Variants in PPP6R2 observed in about 807,000 individuals in gnomAD.
PPP6R2 encodes the protein serine/threonine-protein phosphatase 6 regulatory subunit 2.
PPP6R2 carries 62 observed loss-of-function variants against 100.2 expected under a neutral mutation model. The ratio of observed to expected loss-of-function variants is 0.62; its 90% confidence interval spans 0.50 to 0.76. The LOEUF is 0.76. Ranked by LOEUF, PPP6R2 falls within the 30% of genes least tolerant of loss-of-function variation. The pLI, the probability that PPP6R2 is intolerant of heterozygous loss-of-function variation, is 0.00. For synonymous variants in PPP6R2, 525 were observed against 514.7 expected (o/e 1.02, Z -0.27); for missense variants, 1,142 against 1,276.3 (o/e 0.89, Z 1.60).
chr22:50,434,900 C>T (rs2063879814), intron 12 of PPP6R2, 66 bp from the exon 13 acceptor site: 2 of 1,444,960 alleles, frequency 1.4e-6, no homozygotes, highest in African/African-American at 1.4e-5. Context: ...CCACTTGGCT[C>T]TCTGGGTCGT....
intron 1 of PPP6R2, among the ~76,000 whole-genome samples, chr22:50,361,445 G>A (rs116200214): frequency 0.01 from 1,593 of 152,226 alleles, 27 homozygotes; most frequent in African/African-American, 0.036. Context: ...GTGTACGGAT[G>A]AAGCCAGCTA....
chr22:50,430,887 A>AC (rs1569481637), intron 10 of PPP6R2, among the ~76,000 whole-genome samples: 1 of 151,928 alleles, frequency 6.6e-6, no homozygotes, highest in African/African-American at 2.4e-5. Flanking sequence ...AAAAAAAAAA[A>AC]AAAAGAATAA....
In PPP6R2 at chr22:50,414,685, T is replaced by G; in HGVS notation, c.548T>G (p.Leu183Arg). The G allele has an allele frequency of 1.2e-6, 2 of 1,606,624 alleles. No individual in the cohort carries two copies. The highest frequency in any genetic ancestry group is 8.5e-7 in the Non-Finnish European group (1 of 1,178,746). Residue 183 changes from leucine to arginine, a missense_variant, in exon 5 of 24, where the codon CTG becomes CGG. Physicochemically the swap from Leu to Arg is moderately radical, Grantham distance 102. Coordinates refer to ENST00000612753, the MANE Select transcript of PPP6R2 (RefSeq NM_001242898.2). ...CCAGCCGGGCTCCGGCAGGACGTCCTGCACGTGAGTGCGGGAGTCCCCCCC... is the reference window on the plus strand; with the variant it reads ...CCAGCCGGGCTCCGGCAGGACGTCCGGCACGTGAGTGCGGGAGTCCCCCCC... The part of the protein sequence containing the change: ...VEPAGLRQDV[L>R]HWLNEEKVIQ...
Position 50,443,917 on chromosome 22 carries a change from G to T in PPP6R2, c.2631G>T (p.Lys877Asn). 1.2e-6 allele frequency: 2 copies of T among 1,600,258 alleles called. No homozygotes were observed. Among genetic ancestry groups the T allele is most frequent in the Non-Finnish European group, 1.7e-6 (2 of 1,173,754 alleles). ...TAAGCCCTGCCTGCCCCGCGCCAAA[G>T]GAAGTGACTGCTGCCCCAGCCGTGG... ...RLLSPACPAP[K>N]EVTAAPAVAV... The change falls in exon 23 of 24, where the codon AAG (lysine) becomes AAT (asparagine). Residue 877 changes from lysine to asparagine, a missense_variant. By Grantham distance (94) the Lys-to-Asn change is moderately conservative. Transcript: ENST00000612753.
intron 8 of PPP6R2, among the ~76,000 whole-genome samples, chr22:50,420,476 A>G (rs1003792075): frequency 6.6e-6 from 1 of 152,134 alleles, no homozygotes; most frequent in African/African-American, 2.4e-5. Context: ...GTGAAAGTTG[A>G]GTTTGTTTGA....
intron 6 of PPP6R2, among the ~76,000 whole-genome samples, chr22:50,417,595 G>A (rs1472803753): frequency 6.6e-6 from 1 of 152,158 alleles, no homozygotes; most frequent in Admixed American, 6.5e-5. Flanking sequence ...GGCCTTCACC[G>A]CTGCCTGGCC....
At chr22:50,416,438 C>A (rs909036726) in intron 6 of PPP6R2, among the ~76,000 whole-genome samples, 1 of 151,586 alleles carries the variant, frequency 6.6e-6, no homozygotes, top group Non-Finnish European at 1.5e-5. Context: ...AAGCAATTCT[C>A]CTGCTCACCC....
At chr22:50,404,596 C>CTTT (rs2058549566) in intron 3 of PPP6R2, among the ~76,000 whole-genome samples, 1 of 136,748 alleles carries the variant, frequency 7.3e-6, no homozygotes, top group African/African-American at 2.7e-5. Context: ...TTCTTTCTTT[C>CTTT]TTGTTTTTTT....
intron 4 of PPP6R2, among the ~76,000 whole-genome samples, chr22:50,408,448 G>A (rs987632909): frequency 3.3e-5 from 5 of 152,120 alleles, no homozygotes; most frequent in Admixed American, 6.6e-5. Context: ...TGCAAGGGCC[G>A]CCAGGGGACT....
At chr22:50,430,334 T>C (rs1173939157) in intron 10 of PPP6R2, among the ~76,000 whole-genome samples, 4 of 152,208 alleles carry the variant, frequency 2.6e-5, no homozygotes, top group Admixed American at 2.0e-4. Context: ...TGGTGGACGA[T>C]ATGCACACGC....
chr22:50,355,217 G>A (rs2046214748), intron 1 of PPP6R2, among the ~76,000 whole-genome samples: 1 of 149,044 alleles, frequency 6.7e-6, no homozygotes, highest in Non-Finnish European at 1.5e-5. Flanking sequence ...TCCACATACA[G>A]CAAGCAGCCT....
chr22:50,348,379 T>C (rs1162351716), intron 1 of PPP6R2, among the ~76,000 whole-genome samples: 1 of 151,860 alleles, frequency 6.6e-6, no homozygotes, highest in East Asian at 1.9e-4. Flanking sequence ...TAGGGAGATA[T>C]TTTGGAGGTA....
At chr22:50,412,316 C>T (rs143561392) in intron 4 of PPP6R2, among the ~76,000 whole-genome samples, 2,348 of 151,416 alleles carry the variant, frequency 0.016, 43 homozygotes, top group East Asian at 0.075. Flanking sequence ...CTCAACATTC[C>T]GAGTAGCTGG....
chr22:50,338,296 AGTGTGTGGTGTGTGTGTG>A (rs1349984910), upstream of PPP6R2, among the ~76,000 whole-genome samples: 11 of 74,378 alleles, frequency 1.5e-4, no homozygotes, highest in East Asian at 4.6e-4. Context: ...TGTGGTGTGT[AGTGTGTGGTGTGTGTGTG>A]GTGTGTGGTG....
chr22:50,338,831 G>C (rs893989134), upstream of PPP6R2, among the ~76,000 whole-genome samples: 1 of 144,980 alleles, frequency 6.9e-6, no homozygotes, highest in Non-Finnish European at 1.5e-5. Flanking sequence ...TGTAGGGTGT[G>C]TGGTGTGTGT....
At chr22:50,339,968 GGTGT>G (rs774195926), upstream of PPP6R2, among the ~76,000 whole-genome samples, 54 of 131,274 alleles carry the variant, frequency 4.1e-4, no homozygotes, top group South Asian at 2.4e-3. Flanking sequence ...TGTGTTGTGT[GGTGT>G]GTGTGGTATG....
At chr22:50,373,556 CTTTA>C (rs1167383283) in intron 2 of PPP6R2, among the ~76,000 whole-genome samples, 1 of 148,124 alleles carries the variant, frequency 6.8e-6, no homozygotes, top group African/African-American at 2.5e-5. Flanking sequence ...TTTCTTTATT[CTTTA>C]TTTTTTTTCA....
intron 6 of PPP6R2, among the ~76,000 whole-genome samples, chr22:50,417,000 C>T (rs566060093): frequency 6.6e-6 from 1 of 151,828 alleles, no homozygotes; most frequent in Non-Finnish European, 1.5e-5. Flanking sequence ...TTGTATCAGT[C>T]GTCTGTGACC....
At chr22:50,420,799 T>C (rs2061230218) in intron 8 of PPP6R2, among the ~76,000 whole-genome samples, 1 of 152,246 alleles carries the variant, frequency 6.6e-6, no homozygotes, top group Non-Finnish European at 1.5e-5. Context: ...CTTCCCCTCC[T>C]GGCCTCACCC....
Sources: allele counts gnomAD v4.1 joint callset (sites outside exome capture counted in the v4.1 genomes callset), GRCh38; gene constraint gnomAD v4.1.1; transcripts MANE v1.5; gene names NCBI Gene and HGNC (gene_info 2026-07-23, HGNC 2026-07-21).